Variants in PDE3B observed in about 807,000 individuals in gnomAD.
The protein encoded by PDE3B is cGMP-inhibited 3',5'-cyclic phosphodiesterase 3B.
PDE3B carries 66 observed loss-of-function variants against 116.8 expected under a neutral mutation model. The observed-to-expected ratio is 0.56, with a 90% CI of 0.46 to 0.69. The LOEUF (loss-of-function observed/expected upper bound fraction) is 0.69, where lower values mean the gene tolerates loss of function less well. Ranked by LOEUF, PDE3B falls within the 30% of genes least tolerant of loss-of-function variation. The probability of loss-of-function intolerance (pLI) is 0.00; values close to 1 mark genes in which losing one functional copy is unlikely to be tolerated. For synonymous variants in PDE3B, 595 were observed against 533.6 expected (o/e 1.12, Z -1.59); for missense variants, 1,384 against 1,368.1 (o/e 1.01, Z -0.18).
rs200226677 is a variant in PDE3B, at chr11:14,757,477, T to C, written c.979-14460T>C. On this transcript the variant is annotated intron_variant, in intron 1 of 15. Coordinates refer to ENST00000282096, the MANE Select transcript of PDE3B (RefSeq NM_000922.4). ...TCTCTAGCACCTGCTGTTTCCTGACTTTTTAATGACTGCCATTCTAACTGG... is the reference window on the plus strand; with the variant it reads ...TCTCTAGCACCTGCTGTTTCCTGACCTTTTAATGACTGCCATTCTAACTGG... 3.4e-4 allele frequency among the ~76,000 whole-genome samples: 51 copies of C among 151,748 alleles called. No homozygotes were observed. In the East Asian group the frequency reaches 9.3e-3, roughly 28 times the overall value.
At chr11:14,767,109 G>GC (rs1172384340) in intron 1 of PDE3B, among the ~76,000 whole-genome samples, 2 of 151,560 alleles carry the variant, frequency 1.3e-5, no homozygotes, top group Admixed American at 6.6e-5. Flanking sequence ...TGCCTGTGTA[G>GC]TTTTTGTCTC....
At chr11:14,663,727 A>C (rs1314717277) in intron 1 of PDE3B, among the ~76,000 whole-genome samples, 1 of 152,230 alleles carries the variant, frequency 6.6e-6, no homozygotes, top group African/African-American at 2.4e-5. Flanking sequence ...TAACTATCCT[A>C]AATATATATG....
chr11:14,859,245 A>G lies in PDE3B; in HGVS notation c.2723A>G (p.Lys908Arg). 1 of 1,601,138 alleles carries G rather than the reference A, an allele frequency of 6.2e-7. No individual in the cohort carries two copies. The highest frequency in any genetic ancestry group is 8.5e-7 in the Non-Finnish European group (1 of 1,173,276). ...HFDFLAEFNA[K>R]ANDVNSNGIE... ...GATTTTCTCGCAGAATTCAATGCCAAGGTTTGTTATGAAAATTAGTGCCTG... is the reference window on the plus strand; with the variant it reads ...GATTTTCTCGCAGAATTCAATGCCAGGGTTTGTTATGAAAATTAGTGCCTG... Residue 908 changes from lysine (K) to arginine (R), a missense_variant and splice_region_variant, in exon 13 of 16, where the codon AAG (lysine) becomes AGG (arginine). Physicochemically the swap from Lys to Arg is conservative, Grantham distance 26. Around this residue, in one of 2 missense-constraint regions of PDE3B, gnomAD observed 428 missense variants for 561.4 expected, o/e 0.76. Transcript: ENST00000282096.
chr11:14,822,059 C>T (rs1271465711), intron 7 of PDE3B, among the ~76,000 whole-genome samples: 3 of 151,870 alleles, frequency 2.0e-5, no homozygotes, highest in South Asian at 2.1e-4. Context: ...GCACCATGCC[C>T]GGCTAATTAA....
intron 1 of PDE3B, among the ~76,000 whole-genome samples, chr11:14,735,020 A>G (rs948700390): frequency 6.6e-6 from 1 of 152,164 alleles, no homozygotes. Context: ...CATCTCTTTC[A>G]ATCTAGAATA....
chr11:14,666,928 T>C (rs1765262975), intron 1 of PDE3B, among the ~76,000 whole-genome samples: 1 of 151,954 alleles, frequency 6.6e-6, no homozygotes, highest in South Asian at 2.1e-4. Context: ...GCCATCCCAT[T>C]ACTGGGTATA....
At chr11:14,729,078 C>T (rs1856390803) in intron 1 of PDE3B, among the ~76,000 whole-genome samples, 1 of 152,144 alleles carries the variant, frequency 6.6e-6, no homozygotes, top group Non-Finnish European at 1.5e-5. Context: ...AGAATCTTCC[C>T]TACTACCTCT....
intron 2 of PDE3B, 126 bp downstream of exon 2, chr11:14,772,113 T>C: frequency 2.0e-6 from 1 of 499,846 alleles, no homozygotes; most frequent in Non-Finnish European, 3.6e-6. Flanking sequence ...AGATTTTCTT[T>C]AACTAAACTA....
rs1812422 is a variant in PDE3B at position 14,825,429 on chromosome 11, C to T, written c.1808-5269C>T. Among the ~76,000 whole-genome samples, 689 of 152,154 alleles carry T rather than the reference C, an allele frequency of 4.5e-3. 3 individuals carry two copies. The highest frequency in any genetic ancestry group is 0.015 in the African/African-American group (613 of 41,508). On this transcript the variant is annotated intron_variant, in intron 7 of 15. Transcript: ENST00000282096. ...GGCAGCAACACCCATAGGCTCAAAACAAAGGGATGGAGGAAAATCTACCAA... is the reference window on the plus strand; with the variant it reads ...GGCAGCAACACCCATAGGCTCAAAATAAAGGGATGGAGGAAAATCTACCAA...
intron 5 of PDE3B, 144 bp from the exon 6 acceptor site, chr11:14,818,039 C>T (rs1859387080): frequency 1.6e-6 from 1 of 610,602 alleles, no homozygotes; most frequent in African/African-American, 1.8e-5. Context: ...TTGTGAGGCC[C>T]CATGCAGGAA....
Position 14,670,924 on chromosome 11 carries a change from G to C in PDE3B, c.978+25871G>C, listed in dbSNP as rs534042487. On this transcript the variant is annotated intron_variant, in intron 1 of 15. Transcript: ENST00000282096. ...GAGTCTCACCATGTTCCCCAGACTGGGCGCAAACTCCTGGGTAGGTAATAC... is the reference window on the plus strand; with the variant it reads ...GAGTCTCACCATGTTCCCCAGACTGCGCGCAAACTCCTGGGTAGGTAATAC... 4.7e-4 allele frequency among the ~76,000 whole-genome samples: 71 copies of C among 151,532 alleles called. No homozygotes were observed. The Middle Eastern group carries it at 0.014, about 29-fold the overall frequency.
chr11:14,702,871 T>C (rs1341828118), intron 1 of PDE3B, among the ~76,000 whole-genome samples: 1 of 151,858 alleles, frequency 6.6e-6, no homozygotes, highest in Non-Finnish European at 1.5e-5. Flanking sequence ...CCATCATCTG[T>C]CCCTTATTGA....
chr11:14,786,762 A>G, intron 3 of PDE3B, 77 bp downstream of exon 3: 2 of 1,179,952 alleles, frequency 1.7e-6, no homozygotes, highest in South Asian at 1.4e-5. Flanking sequence ...TTTAAATTCT[A>G]TATAGAATAC....
chr11:14,654,787 TACACACACACACACACACACAC>T (rs59557281), intron 1 of PDE3B, among the ~76,000 whole-genome samples: 10 of 141,984 alleles, frequency 7.0e-5, no homozygotes, highest in African/African-American at 2.6e-4. Flanking sequence ...AGCAGCTGTC[TACACACACACACACACACACAC>T]ACACACACAC....
chr11:14,668,653 A>G (rs1419251366), intron 1 of PDE3B, among the ~76,000 whole-genome samples: 1 of 152,142 alleles, frequency 6.6e-6, no homozygotes, highest in Non-Finnish European at 1.5e-5. Context: ...GAAAGTATAC[A>G]ATGAAAGGAA....
Position 14,782,428 on chromosome 11 carries a change from C to T in PDE3B, c.1030-4009C>T, listed in dbSNP as rs1858038714. On this transcript the variant is annotated intron_variant, in intron 2 of 15. Transcript: ENST00000282096. Reference sequence around the variant, plus strand: ...AAAACAGAGATATAGACCAATGGAACAGAACAGAGTCCTCAGAAATAGTAC... The same window carrying T: ...AAAACAGAGATATAGACCAATGGAATAGAACAGAGTCCTCAGAAATAGTAC... Among the ~76,000 whole-genome samples, 3 of 152,140 alleles carry T rather than the reference C, an allele frequency of 2.0e-5. No individual in the cohort carries two copies. The South Asian group carries it at 6.2e-4, about 32-fold the overall frequency.
At chr11:14,679,693 G>A (rs941737699) in intron 1 of PDE3B, among the ~76,000 whole-genome samples, 1 of 151,702 alleles carries the variant, frequency 6.6e-6, no homozygotes, top group African/African-American at 2.4e-5. Flanking sequence ...ATCCCTACAT[G>A]TGGAGCAGCT....
At chr11:14,763,325 A>G (rs572217248) in intron 1 of PDE3B, among the ~76,000 whole-genome samples, 113 of 152,280 alleles carry the variant, frequency 7.4e-4, no homozygotes, top group Admixed American at 2.8e-3. Flanking sequence ...TAACAACATT[A>G]GAGACCTCAT....
chr11:14,793,088 G>T (rs1354415493), intron 4 of PDE3B, among the ~76,000 whole-genome samples: 1 of 152,144 alleles, frequency 6.6e-6, no homozygotes, highest in African/African-American at 2.4e-5. Flanking sequence ...ATGAGATTAT[G>T]ACCCTTAATC....
Sources: allele counts gnomAD v4.1 joint callset (sites outside exome capture counted in the v4.1 genomes callset), GRCh38; gene constraint gnomAD v4.1.1; regional missense constraint gnomAD v4.1.1; transcripts MANE v1.5; gene names NCBI Gene and HGNC (gene_info 2026-07-23, HGNC 2026-07-21).